The following IGF2BP2 variants were observed in gnomAD, a reference collection of about 807,000 sequenced individuals.
IGF2BP2 encodes the protein insulin like growth factor 2 mRNA binding protein 2.
In IGF2BP2, 17 loss-of-function variants were observed where a neutral mutation model predicts 75.8. The ratio of observed to expected loss-of-function variants is 0.22; its 90% CI spans 0.15 to 0.34. The LOEUF is 0.34. IGF2BP2 is among the 10% of genes least tolerant of loss of function. The probability of loss-of-function intolerance (pLI) is 1.00; values close to 1 mark genes in which losing one functional copy is unlikely to be tolerated. For synonymous variants in IGF2BP2, 288 were observed against 295.6 expected, an observed-to-expected ratio of 0.97 and a Z score of 0.26; for missense variants, 516 against 772.4, an observed-to-expected ratio of 0.67 and a Z score of 3.93.
At chr3:185,797,659 T>C (rs1253877288) in intron 2 of IGF2BP2, among the ~76,000 whole-genome samples, 2 of 152,108 alleles carry the variant, frequency 1.3e-5, no homozygotes, top group Non-Finnish European at 2.9e-5. Context: ...ATCCCAGCAC[T>C]GTGGGAGGCC....
intron 2 of IGF2BP2, among the ~76,000 whole-genome samples, chr3:185,766,303 T>G (rs1733047792): frequency 6.6e-6 from 1 of 152,174 alleles, no homozygotes; most frequent in African/African-American, 2.4e-5. Flanking sequence ...AAATTTAAAT[T>G]TAAATACATT....
intron 2 of IGF2BP2, among the ~76,000 whole-genome samples, chr3:185,718,684 CA>C (rs10699427): frequency 1.7e-3 from 86 of 49,514 alleles, no homozygotes; most frequent in African/African-American, 5.3e-3. Context: ...GACTCTGTCT[CA>C]AAAAAAAAAA....
intron 2 of IGF2BP2, among the ~76,000 whole-genome samples, chr3:185,808,704 T>A (rs1045266803): frequency 2.4e-4 from 36 of 148,682 alleles, no homozygotes; most frequent in African/African-American, 8.8e-4. Flanking sequence ...GGACCACAGG[T>A]GCATGCCACC....
At chr3:185,807,921 G>C (rs1739237202) in intron 2 of IGF2BP2, among the ~76,000 whole-genome samples, 1 of 152,196 alleles carries the variant, frequency 6.6e-6, no homozygotes, top group African/African-American at 2.4e-5. Context: ...TGATGAGTCA[G>C]AACAATCCAG....
At chr3:185,767,606 T>C (rs1733265888) in intron 2 of IGF2BP2, among the ~76,000 whole-genome samples, 1 of 152,126 alleles carries the variant, frequency 6.6e-6, no homozygotes, top group Non-Finnish European at 1.5e-5. Flanking sequence ...TTAATATGTC[T>C]TACCAGTACA....
At position 185,732,523 on chromosome 3, in the gene IGF2BP2, C is replaced by A. The variant is rs554575579; in HGVS notation, c.240-34176G>T. Among the ~76,000 whole-genome samples, 609 of 152,288 alleles carry A rather than the reference C, an allele frequency of 4.0e-3. 8 individuals are homozygous for A. The highest frequency in any genetic ancestry group is 7.5e-3 in the South Asian group (36 of 4,826). ...GAAACTGTAAAACTGAGATCCAAAT[C>A]TGGGACTTCAAAACCCTCTAAGGCA... is the stretch of plus-strand genomic sequence containing the variant. On this transcript the variant is annotated intron_variant, in intron 2 of 15. Coordinates refer to ENST00000382199, the MANE Select transcript of IGF2BP2 (RefSeq NM_006548.6).
At chr3:185,659,252 CT>C (rs1271729338) in intron 10 of IGF2BP2, among the ~76,000 whole-genome samples, 1 of 151,448 alleles carries the variant, frequency 6.6e-6, no homozygotes, top group Non-Finnish European at 1.5e-5. Context: ...GAGAGAGTGA[CT>C]GAGAGAGGAG....
At chr3:185,824,722 C>A in intron 1 of IGF2BP2, 61 bp downstream of exon 1, 2 of 1,210,396 alleles carry the variant, frequency 1.7e-6, no homozygotes, top group Non-Finnish European at 2.1e-6. Flanking sequence ...GGCCTCCCTC[C>A]CGGCGCCGTC....
chr3:185,648,668 C>T (rs1007690924), intron 14 of IGF2BP2, among the ~76,000 whole-genome samples: 3 of 152,132 alleles, frequency 2.0e-5, no homozygotes, highest in Admixed American at 2.0e-4. Context: ...AGTCACATTC[C>T]AGAACATACC....
At chr3:185,798,856 C>A (rs907267572) in intron 2 of IGF2BP2, among the ~76,000 whole-genome samples, 6 of 147,426 alleles carry the variant, frequency 4.1e-5, no homozygotes, top group African/African-American at 1.0e-4. Context: ...TGCAGTGGTG[C>A]GGTCTTGGCT....
At chr3:185,675,505 C>CA (rs1463073258) in intron 8 of IGF2BP2, 74 bp from the exon 9 acceptor site, 1 of 1,552,316 alleles carries the variant, frequency 6.4e-7, no homozygotes, top group Non-Finnish European at 8.8e-7. Context: ...AAAAAAATCA[C>CA]AAACAAGTTT....
chr3:185,819,848 G>A (rs1741095241), intron 2 of IGF2BP2, among the ~76,000 whole-genome samples: 1 of 151,534 alleles, frequency 6.6e-6, no homozygotes, highest in Non-Finnish European at 1.5e-5. Flanking sequence ...GAGATTGGAT[G>A]TTTTTTTCTT....
chr3:185,671,961 A>G (rs1179471431), intron 10 of IGF2BP2, among the ~76,000 whole-genome samples: 2 of 152,266 alleles, frequency 1.3e-5, no homozygotes, highest in Non-Finnish European at 2.9e-5. Context: ...GAAAGCAATA[A>G]GTAAAACACT....
At position 185,823,288 on chromosome 3, in the gene IGF2BP2, G is replaced by C. The variant is rs1037341658; in HGVS notation, c.179-75C>G. 1.7e-5 allele frequency: 19 copies of C among 1,150,730 alleles called. 1 individual carries two copies. The allele number at this position is 1,150,730 out of a possible 1,614,324, so 71.3% of individuals were successfully genotyped here. On this transcript the variant is annotated intron_variant, in intron 1 of 15. Coordinates refer to ENST00000382199, the MANE Select transcript of IGF2BP2 (RefSeq NM_006548.6). ...CGGGGGTCTAGGGGGGGCACGCACGGAACTCCACGCTCGGGCTCCGCCTTC... is the reference window on the plus strand; with the variant it reads ...CGGGGGTCTAGGGGGGGCACGCACGCAACTCCACGCTCGGGCTCCGCCTTC...
chr3:185,749,396 A>T (rs987024077), intron 2 of IGF2BP2, among the ~76,000 whole-genome samples: 4 of 152,206 alleles, frequency 2.6e-5, no homozygotes, highest in Admixed American at 6.5e-5. Flanking sequence ...ATTAAAATAC[A>T]CAATCAATTG....
At chr3:185,757,459 CTTT>C (rs57417087) in intron 2 of IGF2BP2, among the ~76,000 whole-genome samples, 5 of 99,606 alleles carry the variant, frequency 5.0e-5, no homozygotes, top group Admixed American at 3.5e-4. Context: ...ATATCTCATA[CTTT>C]TTTTTTTTTT....
intron 2 of IGF2BP2, among the ~76,000 whole-genome samples, chr3:185,765,775 A>G (rs757204804): frequency 2.3e-4 from 35 of 152,182 alleles, no homozygotes; most frequent in Non-Finnish European, 4.3e-4. Context: ...AAGAAATTCT[A>G]TGGGACTTGG....
intron 2 of IGF2BP2, among the ~76,000 whole-genome samples, chr3:185,775,149 T>C (rs1734386566): frequency 6.6e-6 from 1 of 152,212 alleles, no homozygotes; most frequent in African/African-American, 2.4e-5. Flanking sequence ...ATAACAGCAC[T>C]GACCTCATAG....
chr3:185,824,738 C>A, intron 1 of IGF2BP2, 45 bp downstream of exon 1: 1 of 1,254,864 alleles, frequency 8.0e-7, no homozygotes, highest in Non-Finnish European at 1.0e-6. Flanking sequence ...CCGTCCCGGC[C>A]TGAGCGGGGC....
Sources: allele counts gnomAD v4.1 joint callset (sites outside exome capture counted in the v4.1 genomes callset), GRCh38; gene constraint gnomAD v4.1.1; transcripts MANE v1.5; gene names NCBI Gene and HGNC (gene_info 2026-07-23, HGNC 2026-07-21).